TMEM200A: variants seen among roughly 807,000 people sequenced by gnomAD.
TMEM200A encodes the protein transmembrane protein 200A, also known as two transmembrane C.
A neutral mutation model predicts 24.3 loss-of-function variants in TMEM200A; 12 were observed. The observed-to-expected ratio is 0.49, with a 90% CI of 0.32 to 0.80. The LOEUF (loss-of-function observed/expected upper bound fraction) is 0.80, where lower values mean the gene tolerates loss of function less well. Ranked by LOEUF, TMEM200A falls within the 30% of genes least tolerant of loss-of-function variation. The probability of loss-of-function intolerance (pLI) is 0.04; values close to 1 mark genes in which losing one functional copy is unlikely to be tolerated. For missense variants in TMEM200A, 545 were observed against 614.4 expected, an observed-to-expected ratio of 0.89 and a Z score of 1.19; for synonymous variants, 224 against 224.4, an observed-to-expected ratio of 1.00 and a Z score of 0.02.
chr6:130,387,429 T>C (rs532274577), intron 2 of TMEM200A, among the ~76,000 whole-genome samples: 13 of 152,224 alleles, frequency 8.5e-5, no homozygotes, highest in Admixed American at 2.0e-4. Context: ...CCCTCCATCA[T>C]GCACGGCTAA....
chr6:130,406,648 A>G (rs1324480299), intron 2 of TMEM200A, among the ~76,000 whole-genome samples: 2 of 152,178 alleles, frequency 1.3e-5, no homozygotes, highest in African/African-American at 4.8e-5. Flanking sequence ...CCTGAATTGC[A>G]AATGAAAGAA....
chr6:130,440,262 A>T, intron 2 of TMEM200A, 145 bp from the exon 3 acceptor site: 1 of 752,948 alleles, frequency 1.3e-6, no homozygotes, highest in Admixed American at 3.6e-5. Flanking sequence ...AAACTATGTC[A>T]ATTAAAAAAA....
At chr6:130,411,766 T>G (rs1238808695) in intron 2 of TMEM200A, among the ~76,000 whole-genome samples, 3 of 152,228 alleles carry the variant, frequency 2.0e-5, no homozygotes, top group Non-Finnish European at 1.5e-5. Flanking sequence ...CTCATTGTGT[T>G]GGTTACTGCA....
At chr6:130,411,062 G>C (rs1282288333) in intron 2 of TMEM200A, among the ~76,000 whole-genome samples, 1 of 152,046 alleles carries the variant, frequency 6.6e-6, no homozygotes. Flanking sequence ...CCATCTACTC[G>C]GAAGGCTGGG....
At chr6:130,422,237 C>A (rs574915511) in intron 2 of TMEM200A, among the ~76,000 whole-genome samples, 1 of 152,036 alleles carries the variant, frequency 6.6e-6, no homozygotes, top group South Asian at 2.1e-4. Flanking sequence ...TGGTAATAAC[C>A]TTCCTGAAAG....
rs190027599 is a variant in TMEM200A, at chr6:130,370,017, C to T, written c.-81+3493C>T. On this transcript the variant is annotated intron_variant, in intron 1 of 2. Coordinates refer to ENST00000296978, the MANE Select transcript of TMEM200A (RefSeq NM_001258277.2). ...TAAAGCAAAAAAGGACTTACTGGCT[C>T]ATTGGACCAGAAAGTCCAAAGGTGG... is the stretch of plus-strand genomic sequence containing the variant. Among the ~76,000 whole-genome samples, 5 of 152,310 alleles carry T rather than the reference C, an allele frequency of 3.3e-5. No homozygotes were observed. In the East Asian group the frequency reaches 9.7e-4, roughly 29 times the overall value.
chr6:130,370,644 A>T lies in TMEM200A; in HGVS notation c.-81+4120A>T, dbSNP rs1187864315. 2.6e-5 allele frequency among the ~76,000 whole-genome samples: 4 copies of T among 152,304 alleles called. No individual in the cohort carries two copies. In the South Asian group the frequency reaches 8.3e-4, roughly 32 times the overall value. ...GTGGGACCTTTCTCCCAAGCAAGGT[A>T]TAGCCCAGTGATGAAATAATGCCCT... On this transcript the variant is annotated intron_variant, in intron 1 of 2. Coordinates refer to ENST00000296978, the MANE Select transcript of TMEM200A (RefSeq NM_001258277.2).
intron 2 of TMEM200A, among the ~76,000 whole-genome samples, chr6:130,415,264 G>T (rs1779422610): frequency 6.6e-6 from 1 of 152,124 alleles, no homozygotes; most frequent in African/African-American, 2.4e-5. Flanking sequence ...CAAAGAGAGG[G>T]TTTTTCTTTT....
rs772171867 is a variant in TMEM200A, at chr6:130,441,570, G to C, written c.1148G>C (p.Gly383Ala). ...LSPGAARRQFGSNTSLHLLSS... is the reference protein window; with the variant it reads ...LSPGAARRQFASNTSLHLLSS... ...CCTGGGGCTGCCAGAAGACAGTTTGGGTCCAATACATCCTTGCATTTGCTC... is the reference window on the plus strand; with the variant it reads ...CCTGGGGCTGCCAGAAGACAGTTTGCGTCCAATACATCCTTGCATTTGCTC... Residue 383 changes from glycine (G) to alanine (A), a missense_variant, in exon 3 of 3, where the codon GGG becomes GCG. Coordinates refer to ENST00000296978, the MANE Select transcript of TMEM200A (RefSeq NM_001258277.2). The C allele has an allele frequency of 1.2e-6, 2 of 1,613,952 alleles. No homozygotes were observed. The highest frequency in any genetic ancestry group is 3.3e-5 in the Admixed American group (2 of 60,014).
rs760749200 is a variant in TMEM200A at position 130,440,495 on chromosome 6, C to G, written c.73C>G (p.His25Asp). Reference sequence around the variant, plus strand: ...GCAAGACTCTGCCAGATCACAGCAGCATGTCAACCTCAGCCCGTCTCCTGC... The same window carrying G: ...GCAAGACTCTGCCAGATCACAGCAGGATGTCAACCTCAGCCCGTCTCCTGC... ...KRQDSARSQQHVNLSPSPATQ... is the reference protein window; with the variant it reads ...KRQDSARSQQDVNLSPSPATQ... The change falls in exon 3 of 3, where the codon CAT becomes GAT. Residue 25 changes from histidine (H) to aspartate (D), a missense_variant. Physicochemically the swap from His to Asp is moderately conservative, Grantham distance 81 (BLOSUM62 -1). Transcript: ENST00000296978. 2.5e-6 allele frequency: 4 copies of G among 1,613,824 alleles called. No individual in the cohort carries two copies. The East Asian group carries it at 8.9e-5, about 36-fold the overall frequency.
intron 2 of TMEM200A, among the ~76,000 whole-genome samples, chr6:130,428,570 A>G (rs1383093899): frequency 6.6e-6 from 1 of 152,144 alleles, no homozygotes; most frequent in African/African-American, 2.4e-5. Context: ...AAAACTCTTA[A>G]TAAAGCAGGC....
At chr6:130,404,805 TAA>T (rs1206003823) in intron 2 of TMEM200A, among the ~76,000 whole-genome samples, 5 of 152,176 alleles carry the variant, frequency 3.3e-5, no homozygotes, top group Non-Finnish European at 7.3e-5. Context: ...GTTTTACATT[TAA>T]GTCTTTAATC....
chr6:130,417,762 G>A (rs1779491621), intron 2 of TMEM200A, among the ~76,000 whole-genome samples: 1 of 152,048 alleles, frequency 6.6e-6, no homozygotes, highest in East Asian at 1.9e-4. Flanking sequence ...ATATGTAGAT[G>A]AACTTCTTAA....
rs754651103 is a variant in TMEM200A at position 130,441,548 on chromosome 6, G to A, written c.1126G>A (p.Gly376Arg). 1.2e-6 allele frequency: 2 copies of A among 1,613,888 alleles called. No homozygotes were observed. The highest frequency in any genetic ancestry group is 1.7e-6 in the Non-Finnish European group (2 of 1,179,986). ...TGGGGCTGGACAGCTCTTGTCTCCT[G>A]GGGCTGCCAGAAGACAGTTTGGGTC... is the stretch of plus-strand genomic sequence containing the variant. Reference protein sequence around the residue: ...GPGAGQLLSPGAARRQFGSNT... With the variant: ...GPGAGQLLSPRAARRQFGSNT... Residue 376 changes from glycine to arginine, a missense_variant, in exon 3 of 3, where the codon GGG becomes AGG. Transcript: ENST00000296978.
chr6:130,423,354 G>GTCTT (rs1209579389), intron 2 of TMEM200A, among the ~76,000 whole-genome samples: 4 of 152,034 alleles, frequency 2.6e-5, no homozygotes, highest in Non-Finnish European at 5.9e-5. Context: ...TTACCACATT[G>GTCTT]TCTTTATGTT....
chr6:130,401,755 TC>T (rs1779092876), intron 2 of TMEM200A, among the ~76,000 whole-genome samples: 1 of 152,028 alleles, frequency 6.6e-6, no homozygotes, highest in Non-Finnish European at 1.5e-5. Flanking sequence ...GTAGGTCTTT[TC>T]AGTTGTTTTA....
At chr6:130,408,426 T>C (rs970173414) in intron 2 of TMEM200A, among the ~76,000 whole-genome samples, 2 of 152,208 alleles carry the variant, frequency 1.3e-5, no homozygotes, top group Non-Finnish European at 2.9e-5. Context: ...CTGTTCCTTA[T>C]CTACTTTCCA....
chr6:130,382,374 G>C (rs1350571107), intron 1 of TMEM200A, among the ~76,000 whole-genome samples: 1 of 152,200 alleles, frequency 6.6e-6, no homozygotes, highest in Non-Finnish European at 1.5e-5. Flanking sequence ...TGCTCTACAT[G>C]AAACAGCTGT....
At chr6:130,412,018 T>C (rs1355203039) in intron 2 of TMEM200A, among the ~76,000 whole-genome samples, 1 of 152,092 alleles carries the variant, frequency 6.6e-6, no homozygotes, top group Admixed American at 6.6e-5. Flanking sequence ...CTTTTGATGC[T>C]CAATTATCCC....
Sources: gnomAD v4.1 joint callset for allele counts (sites outside exome capture counted in the v4.1 genomes callset) on GRCh38, gnomAD v4.1.1 for gene constraint, MANE v1.5 for transcripts, NCBI Gene and HGNC (gene_info 2026-07-23, HGNC 2026-07-21) for gene names.